The following CARMIL1 variants were observed in gnomAD, a reference collection of about 807,000 sequenced individuals.
CARMIL1 encodes the protein capping protein regulator and myosin 1 linker 1.
Under a neutral mutation model 177.1 loss-of-function variants are expected in CARMIL1, and 90 were observed. The ratio of observed to expected loss-of-function variants is 0.51; its 90% CI spans 0.43 to 0.61. The LOEUF is 0.61. Ranked by LOEUF, CARMIL1 falls within the 20% of genes least tolerant of loss-of-function variation. The probability of loss-of-function intolerance (pLI) is 0.00; values close to 1 mark genes in which losing one functional copy is unlikely to be tolerated. For synonymous variants in CARMIL1, 577 were observed against 606.2 expected, an observed-to-expected ratio of 0.95 and a Z score of 0.71; for missense variants, 1,380 against 1,667.0, an observed-to-expected ratio of 0.83 and a Z score of 3.00.
At chr6:25,482,570 G>T (rs1802225267) in intron 12 of CARMIL1, among the ~76,000 whole-genome samples, 1 of 152,188 alleles carries the variant, frequency 6.6e-6, no homozygotes, top group Non-Finnish European at 1.5e-5. Flanking sequence ...ACATGTACAT[G>T]CAGTCTTTAA....
rs1787058893 is a variant in CARMIL1 at position 25,342,614 on chromosome 6, CT to C, written c.138+57708del. ...CTTTCTAGTTAGGCTTGAAATCTTTCTTTATTTTATGTACTTATTATTACTA... is the reference window on the plus strand; with the variant it reads ...CTTTCTAGTTAGGCTTGAAATCTTTCTTATTTTATGTACTTATTATTACTA... On this transcript the variant is annotated intron_variant, in intron 2 of 36. Coordinates refer to ENST00000329474, the MANE Select transcript of CARMIL1 (RefSeq NM_017640.6). Among the ~76,000 whole-genome samples, 13 of 147,090 alleles carry C rather than the reference CT, an allele frequency of 8.8e-5. No individual in the cohort carries two copies. In the South Asian group the frequency reaches 2.0e-3, roughly 22 times the overall value.
intron 36 of CARMIL1, among the ~76,000 whole-genome samples, chr6:25,614,307 G>T (rs749726940): frequency 6.6e-6 from 1 of 152,184 alleles, no homozygotes; most frequent in Non-Finnish European, 1.5e-5. Flanking sequence ...GGACAAGTAA[G>T]GTTAAAACAT....
intron 2 of CARMIL1, among the ~76,000 whole-genome samples, chr6:25,370,295 T>G (rs1790279179): frequency 6.6e-6 from 1 of 152,226 alleles, no homozygotes; most frequent in African/African-American, 2.4e-5. Flanking sequence ...GCTTCTATTT[T>G]ATTCAAGACC....
intron 24 of CARMIL1, among the ~76,000 whole-genome samples, chr6:25,530,251 G>T (rs1470364102): frequency 6.6e-6 from 1 of 152,090 alleles, no homozygotes; most frequent in African/African-American, 2.4e-5. Context: ...AGACACTGTG[G>T]CTCACGCCTG....
chr6:25,570,890 C>T (rs867114998), intron 29 of CARMIL1, among the ~76,000 whole-genome samples: 8 of 152,148 alleles, frequency 5.3e-5, no homozygotes, highest in African/African-American at 1.9e-4. Context: ...TTCCCTATAC[C>T]TTTTCTTCCT....
At chr6:25,401,856 G>A (rs1330436683) in intron 2 of CARMIL1, among the ~76,000 whole-genome samples, 6 of 152,142 alleles carry the variant, frequency 3.9e-5, no homozygotes, top group African/African-American at 1.2e-4. Flanking sequence ...TCTCAGGGAC[G>A]TTGTTGGGAC....
In CARMIL1 at chr6:25,279,641, G is replaced by C; in HGVS notation, c.-155G>C. On this transcript the variant is annotated 5_prime_UTR_variant, in exon 1 of 37. Coordinates refer to ENST00000329474, the MANE Select transcript of CARMIL1 (RefSeq NM_017640.6). ...TTTTTTTTTTGGTGGGGCGGGGGGCGCGCGGCAAAATTCTGTCTCCGCCCC... is the reference window on the plus strand; with the variant it reads ...TTTTTTTTTTGGTGGGGCGGGGGGCCCGCGGCAAAATTCTGTCTCCGCCCC... 1.5e-6 allele frequency: 1 copy of C among 651,710 alleles called. No individual in the cohort carries two copies. 40.4% of individuals were successfully genotyped at this position (651,710 alleles called of 1,614,324 possible).
chr6:25,416,176 T>C (rs998696989), intron 2 of CARMIL1, among the ~76,000 whole-genome samples: 1 of 152,136 alleles, frequency 6.6e-6, no homozygotes, highest in African/African-American at 2.4e-5. Flanking sequence ...CCTTATGATA[T>C]CCAAACATCT....
intron 23 of CARMIL1, 36 bp downstream of exon 23, chr6:25,520,373 C>G: frequency 8.7e-7 from 1 of 1,150,134 alleles, no homozygotes; most frequent in South Asian, 1.4e-5. Context: ...ACAAGAAATT[C>G]ACATTTGAAT....
intron 27 of CARMIL1, among the ~76,000 whole-genome samples, chr6:25,552,938 G>A (rs1810253985): frequency 6.6e-6 from 1 of 152,106 alleles, no homozygotes; most frequent in Non-Finnish European, 1.5e-5. Context: ...CTTATCAGTA[G>A]ACACCTCTGG....
At chr6:25,478,853 T>A (rs1285406053) in intron 11 of CARMIL1, among the ~76,000 whole-genome samples, 2 of 152,096 alleles carry the variant, frequency 1.3e-5, no homozygotes, top group Admixed American at 1.3e-4. Flanking sequence ...TTGGAAGTAT[T>A]GACTCAATTT....
chr6:25,350,732 G>C (rs1788029382), intron 2 of CARMIL1: 1 of 152,158 alleles, frequency 6.6e-6, no homozygotes, highest in Non-Finnish European at 1.5e-5. Flanking sequence ...CTGAGATGAG[G>C]TTTGCCAAAA....
chr6:25,525,771 A>C (rs1240284400), intron 23 of CARMIL1, among the ~76,000 whole-genome samples: 1 of 152,242 alleles, frequency 6.6e-6, no homozygotes, highest in Non-Finnish European at 1.5e-5. Context: ...ATAAATGCAT[A>C]CTGCAAACAC....
intron 26 of CARMIL1, among the ~76,000 whole-genome samples, chr6:25,542,631 G>A (rs971822240): frequency 6.6e-6 from 1 of 151,912 alleles, no homozygotes; most frequent in East Asian, 1.9e-4. Flanking sequence ...TTCCTTTGGG[G>A]ATGTCTGGAA....
chr6:25,600,124 C>T (rs116783208), intron 32 of CARMIL1, among the ~76,000 whole-genome samples, 190 bp from the exon 33 acceptor site: 2,026 of 152,268 alleles, frequency 0.013, 19 homozygotes, highest in South Asian at 0.022. Flanking sequence ...TCGATTTTCT[C>T]ACGTGAATAT....
intron 17 of CARMIL1, among the ~76,000 whole-genome samples, chr6:25,500,925 A>AC (rs1554211146): frequency 6.8e-6 from 1 of 146,236 alleles, no homozygotes; most frequent in Non-Finnish European, 1.5e-5. Flanking sequence ...ACGCCCGGCT[A>AC]TTTTTTTTTT....
chr6:25,346,099 C>T (rs1011597552), intron 2 of CARMIL1, among the ~76,000 whole-genome samples: 3 of 152,186 alleles, frequency 2.0e-5, no homozygotes, highest in Non-Finnish European at 4.4e-5. Flanking sequence ...AGCTTCCAGC[C>T]TTATCCCCTT....
At chr6:25,537,036 A>T (rs576262792) in intron 24 of CARMIL1, among the ~76,000 whole-genome samples, 1 of 152,286 alleles carries the variant, frequency 6.6e-6, no homozygotes, top group Non-Finnish European at 1.5e-5. Context: ...GGCTTCCTTC[A>T]TGCTTTTTTG....
At chr6:25,462,898 C>T (rs1800246513) in intron 8 of CARMIL1, among the ~76,000 whole-genome samples, 1 of 152,212 alleles carries the variant, frequency 6.6e-6, no homozygotes, top group Non-Finnish European at 1.5e-5. Context: ...CCTAATAACC[C>T]TGCCTAGTAC....
Sources: gnomAD v4.1 joint callset for allele counts (sites outside exome capture counted in the v4.1 genomes callset) on GRCh38, gnomAD v4.1.1 for gene constraint, MANE v1.5 for transcripts, NCBI Gene and HGNC (gene_info 2026-07-23, HGNC 2026-07-21) for gene names.